Variants in SETDB2 observed in about 807,000 individuals in gnomAD.
SETDB2 encodes the protein histone-lysine N-methyltransferase SETDB2.
In SETDB2, 56 loss-of-function variants were observed where a neutral mutation model predicts 82.5. That is an observed-to-expected ratio of 0.68 (90% CI 0.55 to 0.85). The LOEUF (loss-of-function observed/expected upper bound fraction) is 0.85, where lower values mean the gene tolerates loss of function less well. Ranked by LOEUF, SETDB2 falls within the 40% of genes least tolerant of loss-of-function variation. The pLI is 0.00. For missense variants in SETDB2, 677 were observed against 816.4 expected (o/e 0.83, Z 2.08); for synonymous variants, 272 against 284.9 (o/e 0.95, Z 0.46).
intron 5 of SETDB2, among the ~76,000 whole-genome samples, chr13:49,471,820 C>T (rs1193079181): frequency 4.0e-5 from 6 of 149,404 alleles, no homozygotes; most frequent in African/African-American, 1.5e-4. Context: ...CTACTTCTCT[C>T]TGTTACCAGT....
chr13:49,477,201 C>T (rs116006084), intron 6 of SETDB2, among the ~76,000 whole-genome samples, 162 bp downstream of exon 6: 230 of 152,284 alleles, frequency 1.5e-3, no homozygotes, highest in African/African-American at 5.3e-3. Context: ...TTTTGGGAGA[C>T]CGAGTGGGAG....
At chr13:49,459,986 G>C (rs1957962038) in intron 2 of SETDB2, 121 bp from the exon 3 acceptor site, 3 of 941,420 alleles carry the variant, frequency 3.2e-6, no homozygotes, top group Non-Finnish European at 3.1e-6. Flanking sequence ...CAAGGAAAAT[G>C]ATAGACCAGA....
chr13:49,485,619 G>C lies in SETDB2; in HGVS notation c.1483-11G>C. On this transcript the variant is annotated splice_polypyrimidine_tract_variant and intron_variant, in intron 10 of 13. Transcript: ENST00000611815. The stretch of plus-strand genomic sequence containing the variant: ...CCTGGAAAGTAAAGACATCTTCCTT[G>C]TTTTTTTAAGGAATTTGTTTCCTCG... The C allele has an allele frequency of 1.2e-6, 2 of 1,606,546 alleles. No homozygotes were observed. Among genetic ancestry groups the C allele is most frequent in the Middle Eastern group, 1.7e-4 (1 of 6,016 alleles).
chr13:49,457,529 G>C (rs890692537), intron 2 of SETDB2, among the ~76,000 whole-genome samples: 1 of 151,076 alleles, frequency 6.6e-6, no homozygotes, highest in African/African-American at 2.4e-5. Flanking sequence ...CGCCTCCTAG[G>C]TTCAAGCAAT....
chr13:49,480,619 A>G (rs1392239152), intron 7 of SETDB2, among the ~76,000 whole-genome samples: 1 of 152,206 alleles, frequency 6.6e-6, no homozygotes, highest in African/African-American at 2.4e-5. Context: ...CCGTTTAAAA[A>G]TAACTGTCTA....
chr13:49,470,314 C>T (rs1206025189), intron 5 of SETDB2, among the ~76,000 whole-genome samples: 2 of 152,058 alleles, frequency 1.3e-5, no homozygotes, highest in Non-Finnish European at 2.9e-5. Context: ...GATGAAGGGA[C>T]ATGTCTTATT....
chr13:49,489,375 G>A (rs1812), intron 12 of SETDB2: 108,549 of 152,038 alleles, frequency 0.71, 39,002 homozygotes, highest in East Asian at 0.82. Context: ...ATACATAATG[G>A]CTATCTTCAG....
intron 4 of SETDB2, among the ~76,000 whole-genome samples, chr13:49,466,999 C>T (rs1958129213): frequency 6.6e-6 from 1 of 152,052 alleles, no homozygotes; most frequent in African/African-American, 2.4e-5. Flanking sequence ...AAATTAAAGA[C>T]AGATATTTGT....
intron 4 of SETDB2, chr13:49,464,089 T>G: frequency 1.3e-6 from 1 of 772,032 alleles, no homozygotes; most frequent in Non-Finnish European, 2.4e-6. Flanking sequence ...ACCACCCTAA[T>G]AGGTGAAAGG....
At chr13:49,477,351 G>C (rs576521851) in intron 6 of SETDB2, among the ~76,000 whole-genome samples, 1 of 152,270 alleles carries the variant, frequency 6.6e-6, no homozygotes, top group East Asian at 1.9e-4. Flanking sequence ...TGGGAGATCT[G>C]CTTGAGCCCA....
At chr13:49,480,058 C>G (rs1164831939) in intron 6 of SETDB2, among the ~76,000 whole-genome samples, 161 bp from the exon 7 acceptor site, 1 of 152,130 alleles carries the variant, frequency 6.6e-6, no homozygotes, top group Non-Finnish European at 1.5e-5. Flanking sequence ...TATTGTCTTT[C>G]AAAGAGATCT....
chr13:49,461,871 C>G (rs1958000365), intron 4 of SETDB2, among the ~76,000 whole-genome samples: 1 of 152,152 alleles, frequency 6.6e-6, no homozygotes, highest in South Asian at 2.1e-4. Context: ...TAGAGGTTCC[C>G]ACAACCCCCT....
chr13:49,449,206 C>T (rs1257214386), intron 1 of SETDB2, among the ~76,000 whole-genome samples: 1 of 152,092 alleles, frequency 6.6e-6, no homozygotes, highest in South Asian at 2.1e-4. Flanking sequence ...TGGCCTTATT[C>T]TTGTCATTAT....
At chr13:49,445,135 A>G (rs765559019) in intron 1 of SETDB2, among the ~76,000 whole-genome samples, 7 of 152,136 alleles carry the variant, frequency 4.6e-5, no homozygotes, top group Non-Finnish European at 8.8e-5. Flanking sequence ...CTGGTTCCTT[A>G]TTTCGTGTCT....
intron 2 of SETDB2, among the ~76,000 whole-genome samples, chr13:49,457,169 A>T (rs1275087463): frequency 1.3e-5 from 2 of 148,176 alleles, no homozygotes; most frequent in East Asian, 3.9e-4. Flanking sequence ...CATTTTAAGT[A>T]GTTCCTACCA....
intron 9 of SETDB2, 44 bp from the exon 10 acceptor site, chr13:49,483,417 TGAA>T (rs1958517369): frequency 1.4e-6 from 1 of 705,874 alleles, no homozygotes. Context: ...GTAAAGAGAA[TGAA>T]GAGAATTTTT....
intron 4 of SETDB2, among the ~76,000 whole-genome samples, chr13:49,463,532 A>G (rs1166265774): frequency 2.0e-5 from 3 of 152,232 alleles, no homozygotes; most frequent in Non-Finnish European, 2.9e-5. Flanking sequence ...ATGAAAGGGT[A>G]CAGAGGCAGA....
rs761668068 is a variant in SETDB2, at chr13:49,480,304, T to C, written c.955T>C (p.Tyr319His). 24 of 1,608,808 alleles carry C rather than the reference T, an allele frequency of 1.5e-5. No homozygotes were observed. In the African/African-American group the frequency reaches 3.2e-4, roughly 22 times the overall value. Residue 319 changes from tyrosine to histidine, a missense_variant, in exon 7 of 14, where the codon TAT becomes CAT. This residue lies in a region of SETDB2 where 420 missense variants were observed against 554.6 expected (regional missense o/e 0.76). Coordinates refer to ENST00000611815, the MANE Select transcript of SETDB2 (RefSeq NM_001160308.3). ...TGACAAAATAACCACTGGATATAAA[T>C]ATAAAAGACTACAGAGACAGATTCC... Reference protein sequence around the residue: ...SSDKITTGYKYKRLQRQIPTG... With the variant: ...SSDKITTGYKHKRLQRQIPTG...
rs530822236 is a variant in SETDB2 at position 49,486,474 on chromosome 13, CT to C, written c.1576+752del. Among the ~76,000 whole-genome samples, 228 of 152,276 alleles carry C rather than the reference CT, an allele frequency of 1.5e-3. 2 individuals carry two copies. Among genetic ancestry groups the C allele is most frequent in the South Asian group, 3.3e-3 (16 of 4,828 alleles). ...TTCTGCAGGAGAACTTTGCTGACCT[CT>C]GGTCTAATTGCCAGTAGTGACTTGA... is the stretch of plus-strand genomic sequence containing the variant. On this transcript the variant is annotated intron_variant, in intron 11 of 13. Transcript: ENST00000611815.
Sources: gnomAD v4.1 joint callset for allele counts (sites outside exome capture counted in the v4.1 genomes callset) on GRCh38, gnomAD v4.1.1 for gene constraint, gnomAD v4.1.1 regional missense constraint, MANE v1.5 for transcripts, NCBI Gene and HGNC (gene_info 2026-07-23, HGNC 2026-07-21) for gene names.